Variants in TRMT11 observed in about 807,000 individuals in gnomAD.
TRMT11 encodes tRNA methyltransferase 11, also known as tRNA (guanine(10)-N(2))-methyltransferase TRMT11.
In TRMT11, 53 loss-of-function variants were observed where a neutral mutation model predicts 62.8. The ratio of observed to expected loss-of-function variants is 0.84; its 90% CI spans 0.68 to 1.06. TRMT11 has a LOEUF of 1.06. Among genes scored for constraint, TRMT11 ranks in the 50% least tolerant of loss-of-function variants. TRMT11 has a pLI of 0.00. For synonymous variants in TRMT11, 188 were observed against 190.3 expected, an observed-to-expected ratio of 0.99 and a Z score of 0.10; for missense variants, 556 against 553.4, an observed-to-expected ratio of 1.00 and a Z score of -0.05.
chr6:126,214,781 T>C, the TRMT11 span, among the ~76,000 whole-genome samples: 15 of 151,992 alleles, frequency 9.9e-5, no homozygotes, highest in Non-Finnish European at 2.2e-4. Context: ...ATTTTGTGTT[T>C]GGTTTGCTCT....
the TRMT11 span, among the ~76,000 whole-genome samples, chr6:126,269,134 G>C: frequency 6.7e-6 from 1 of 149,426 alleles, no homozygotes. Flanking sequence ...CGTAGTGGCG[G>C]GCGCCTGTAG....
chr6:126,179,319 C>A (rs936011230), intron 1 of TRMT11, among the ~76,000 whole-genome samples: 1 of 152,136 alleles, frequency 6.6e-6, no homozygotes, highest in Non-Finnish European at 1.5e-5. Context: ...TTCTCTTTAT[C>A]TATGTGGGTT....
chr6:126,014,017 T>G (rs2128832858), intron 11 of TRMT11, among the ~76,000 whole-genome samples: 1 of 152,336 alleles, frequency 6.6e-6, no homozygotes, highest in South Asian at 2.1e-4. Context: ...ATAAGAGCTG[T>G]GCATATATTT....
chr6:126,175,380 G>C (rs917291015), upstream of TRMT11, among the ~76,000 whole-genome samples: 8 of 152,138 alleles, frequency 5.3e-5, no homozygotes, highest in South Asian at 1.7e-3. Flanking sequence ...TAGGGGTTTG[G>C]CTTCATTGAG....
intron 17 of TRMT11, among the ~76,000 whole-genome samples, chr6:126,071,386 T>C (rs1433604183): frequency 1.3e-5 from 2 of 152,166 alleles, no homozygotes; most frequent in African/African-American, 4.8e-5. Flanking sequence ...CCAAATTGCT[T>C]TGAGTTTATG....
downstream of TRMT11, among the ~76,000 whole-genome samples, chr6:126,206,691 AT>A (rs1778794832): frequency 6.6e-6 from 1 of 152,074 alleles, no homozygotes; most frequent in African/African-American, 2.4e-5. Context: ...CCTCCCTTGG[AT>A]TTGGTCTCTG....
At chr6:126,089,911 C>G (rs1777255799) in intron 17 of TRMT11, among the ~76,000 whole-genome samples, 1 of 152,190 alleles carries the variant, frequency 6.6e-6, no homozygotes, top group Admixed American at 6.5e-5. Flanking sequence ...AAATTATAGA[C>G]TACATTAATA....
At chr6:126,106,955 A>T (rs1241680889) in intron 17 of TRMT11, among the ~76,000 whole-genome samples, 11 of 150,036 alleles carry the variant, frequency 7.3e-5, no homozygotes, top group African/African-American at 2.5e-4. Flanking sequence ...AAAAAAAAAA[A>T]ATCAGACTCT....
Position 125,986,620 on chromosome 6 carries a change from C to T in TRMT11, c.70C>T (p.Pro24Ser). 6.3e-7 allele frequency: 1 copy of T among 1,580,646 alleles called. No individual in the cohort carries two copies. Among genetic ancestry groups the T allele is most frequent in the Non-Finnish European group, 8.6e-7 (1 of 1,164,934 alleles). The change falls in exon 1 of 13, where the codon CCG becomes TCG. Residue 24 changes from proline to serine, a missense_variant and splice_region_variant. Physicochemically the swap from Pro to Ser is moderately conservative, Grantham distance 74. Transcript: ENST00000334379. ...MAQEHLEFRL[P>S]EIKSLLLLFG... The stretch of plus-strand genomic sequence containing the variant: ...GCAGGAGCATCTGGAGTTCCGCCTG[C>T]CGGTGAGTCCGTAGCGCCCTCCGGA...
chr6:126,021,738 C>T (rs946362418), intron 12 of TRMT11, among the ~76,000 whole-genome samples: 2 of 152,208 alleles, frequency 1.3e-5, no homozygotes, highest in Non-Finnish European at 2.9e-5. Context: ...CTTTGTCTCT[C>T]TCTTACATAC....
intron 21 of TRMT11, among the ~76,000 whole-genome samples, chr6:126,147,445 T>G (rs1777986594): frequency 6.6e-6 from 1 of 152,176 alleles, no homozygotes; most frequent in Non-Finnish European, 1.5e-5. Flanking sequence ...GCAGAAGTGC[T>G]TATATTTAGG....
intron 21 of TRMT11, among the ~76,000 whole-genome samples, chr6:126,143,471 T>C (rs1456116624): frequency 2.0e-5 from 3 of 152,178 alleles, no homozygotes; most frequent in Non-Finnish European, 4.4e-5. Context: ...AAAGGTCCCT[T>C]GACAGAGTAA....
rs755865191 is a variant in TRMT11 at position 125,998,120 on chromosome 6, C to G, written c.280C>G (p.Pro94Ala). 6.2e-7 allele frequency: 1 copy of G among 1,613,356 alleles called. No individual in the cohort carries two copies. Among genetic ancestry groups the G allele is most frequent in the South Asian group, 1.1e-5 (1 of 91,056 alleles). Residue 94 changes from proline to alanine, a missense_variant, in exon 4 of 13, where the codon CCT (proline) becomes GCT (alanine). Pro to Ala is a conservative substitution (Grantham distance 27). Transcript: ENST00000334379. The stretch of plus-strand genomic sequence containing the variant: ...GCTGTACAGTTCTCTTAAAAACTAC[C>G]CTGTGGAGAAGATGGTGCGTAGTAA... Reference protein sequence around the residue: ...EELYSSLKNYPVEKMVPFLHS... With the variant: ...EELYSSLKNYAVEKMVPFLHS...
At chr6:125,996,202 C>T (rs989362119) in intron 3 of TRMT11, among the ~76,000 whole-genome samples, 162 bp downstream of exon 3, 3 of 152,006 alleles carry the variant, frequency 2.0e-5, no homozygotes, top group Non-Finnish European at 2.9e-5. Flanking sequence ...GGTTACCTGC[C>T]GAAACCAAGG....
chr6:126,016,769 G>A (rs1311164962), intron 11 of TRMT11, among the ~76,000 whole-genome samples: 2 of 150,540 alleles, frequency 1.3e-5, no homozygotes, highest in Admixed American at 1.3e-4. Flanking sequence ...TCTAACACAT[G>A]TGGGAAGACA....
At chr6:126,038,290 G>C (rs1184708017) in intron 12 of TRMT11, among the ~76,000 whole-genome samples, 1 of 151,830 alleles carries the variant, frequency 6.6e-6, no homozygotes, top group African/African-American at 2.4e-5. Context: ...TATTTTGTTG[G>C]TTCACATGTT....
Position 126,012,746 on chromosome 6 carries a change from T to C in TRMT11, c.926-25T>C, listed in dbSNP as rs201229996. 4.6e-5 allele frequency: 73 copies of C among 1,590,524 alleles called. 1 individual carries two copies. The African/African-American group carries it at 9.3e-4, about 20-fold the overall frequency. ...CATGATTTGGTGACTTTTGACTATC[T>C]GTGTTACCTTTGTTTTCTGTCTAGC... On this transcript the variant is annotated intron_variant, in intron 9 of 12. Coordinates refer to ENST00000334379, the MANE Select transcript of TRMT11 (RefSeq NM_001031712.3).
the TRMT11 span, among the ~76,000 whole-genome samples, chr6:126,228,220 A>T: frequency 6.6e-6 from 1 of 152,188 alleles, no homozygotes; most frequent in Non-Finnish European, 1.5e-5. Flanking sequence ...AGTGGTCAGG[A>T]TGCCAACCAC....
At chr6:126,260,067 A>G in the TRMT11 span, among the ~76,000 whole-genome samples, 1 of 152,146 alleles carries the variant, frequency 6.6e-6, no homozygotes, top group African/African-American at 2.4e-5. Context: ...TACATTAAAG[A>G]TTATTGTTAG....
Sources: allele counts gnomAD v4.1 joint callset (sites outside exome capture counted in the v4.1 genomes callset), GRCh38; gene constraint gnomAD v4.1.1; transcripts MANE v1.5; gene names NCBI Gene and HGNC (gene_info 2026-07-23, HGNC 2026-07-21).